The following SYT1 variants were observed in gnomAD, a reference collection of about 807,000 sequenced individuals.
The protein encoded by SYT1 is synaptotagmin 1, also known as synaptotagmin-1.
A neutral mutation model predicts 44.8 loss-of-function variants in SYT1; 8 were observed. The observed-to-expected ratio is 0.18, with a 90% CI of 0.10 to 0.32. SYT1 has a LOEUF of 0.32. Among genes scored for constraint, SYT1 ranks in the 10% least tolerant of loss-of-function variants. The probability of loss-of-function intolerance (pLI) is 1.00; values close to 1 mark genes in which losing one functional copy is unlikely to be tolerated. For synonymous variants in SYT1, 154 were observed against 188.8 expected (o/e 0.82, Z 1.51); for missense variants, 286 against 509.3 (o/e 0.56, Z 4.22).
chr12:78,883,357 A>AT (rs996122775), intron 1 of SYT1, among the ~76,000 whole-genome samples: 1 of 151,506 alleles, frequency 6.6e-6, no homozygotes, highest in African/African-American at 2.4e-5. Flanking sequence ...ATCCTTCTTG[A>AT]TTTTTTCATT....
intron 4 of SYT1, among the ~76,000 whole-genome samples, chr12:79,237,192 G>A (rs1876239695): frequency 6.6e-6 from 1 of 152,200 alleles, no homozygotes; most frequent in African/African-American, 2.4e-5. Flanking sequence ...GTCTGAAGGT[G>A]TGTAGAAAAG....
chr12:79,250,071 TATC>T (rs1407479205), intron 4 of SYT1, among the ~76,000 whole-genome samples: 10 of 152,186 alleles, frequency 6.6e-5, no homozygotes, highest in African/African-American at 2.4e-4. Flanking sequence ...AGATGAATAT[TATC>T]ATTATTTCCA....
At chr12:79,045,165 G>A (rs937788599) in intron 2 of SYT1, among the ~76,000 whole-genome samples, 8 of 152,152 alleles carry the variant, frequency 5.3e-5, no homozygotes, top group East Asian at 1.9e-4. Flanking sequence ...CGAGCTTCCC[G>A]GCTGCTTTGT....
intron 1 of SYT1, among the ~76,000 whole-genome samples, chr12:78,948,336 A>T (rs1232838720): frequency 6.6e-6 from 1 of 152,060 alleles, no homozygotes; most frequent in Non-Finnish European, 1.5e-5. Flanking sequence ...CTTGTAAGAA[A>T]CATTTAAGTT....
chr12:79,290,280 A>G (rs1036923468), intron 5 of SYT1, among the ~76,000 whole-genome samples: 1 of 152,170 alleles, frequency 6.6e-6, no homozygotes, highest in African/African-American at 2.4e-5. Flanking sequence ...GCTGAGTCTC[A>G]GTTTTTTAGA....
chr12:78,956,253 C>T (rs1464091429), intron 1 of SYT1, among the ~76,000 whole-genome samples: 1 of 151,930 alleles, frequency 6.6e-6, no homozygotes, highest in African/African-American at 2.4e-5. Flanking sequence ...CTGAGAAATA[C>T]CTGGAACATT....
intron 1 of SYT1, among the ~76,000 whole-genome samples, chr12:78,894,541 A>G (rs1875247574): frequency 6.6e-6 from 1 of 151,272 alleles, no homozygotes; most frequent in Non-Finnish European, 1.5e-5. Flanking sequence ...AAATAATAGG[A>G]TTCTCTTCAT....
chr12:79,319,868 T>C (rs1345159245), intron 8 of SYT1, among the ~76,000 whole-genome samples: 1 of 152,228 alleles, frequency 6.6e-6, no homozygotes, highest in Non-Finnish European at 1.5e-5. Context: ...TTTCATCACC[T>C]TCCCTTTTAC....
In SYT1 at chr12:79,451,276, C is replaced by T. The variant is rs138109894; in HGVS notation, c.*2152C>T. On this transcript the variant is annotated 3_prime_UTR_variant, in exon 11 of 11. Coordinates refer to ENST00000261205, the MANE Select transcript of SYT1 (RefSeq NM_005639.3). The stretch of plus-strand genomic sequence containing the variant: ...CCGATGGTCCGTACTTCTTAAAAAA[C>T]ATAGGTAATAGAAAATATACACAAG... 212 of 152,274 alleles carry T rather than the reference C, an allele frequency of 1.4e-3. No homozygotes were observed. Among genetic ancestry groups the T allele is most frequent in the African/African-American group, 5.0e-3 (207 of 41,556 alleles). 9.4% of individuals were successfully genotyped at this position (152,274 alleles called of 1,614,324 possible). A position where few individuals can be genotyped will look rare whatever the true frequency, so the allele number is the denominator to read the frequency against.
chr12:79,095,432 C>T (rs532731500), intron 3 of SYT1, among the ~76,000 whole-genome samples: 2 of 151,882 alleles, frequency 1.3e-5, no homozygotes, highest in African/African-American at 4.8e-5. Flanking sequence ...GTTATATTTA[C>T]GTGTGTCTCT....
At chr12:79,370,938 A>G (rs1413404688) in intron 9 of SYT1, among the ~76,000 whole-genome samples, 2 of 152,272 alleles carry the variant, frequency 1.3e-5, no homozygotes, top group Admixed American at 6.5e-5. Flanking sequence ...ACATCAGCCC[A>G]TGGAAGAGCA....
intron 3 of SYT1, among the ~76,000 whole-genome samples, chr12:79,104,378 C>T (rs913078030): frequency 2.0e-5 from 3 of 151,886 alleles, no homozygotes; most frequent in African/African-American, 7.3e-5. Context: ...AAACACAGTA[C>T]ATGATATATA....
intron 3 of SYT1, among the ~76,000 whole-genome samples, chr12:79,099,908 C>G (rs992098913): frequency 2.0e-5 from 3 of 152,042 alleles, no homozygotes; most frequent in African/African-American, 7.2e-5. Context: ...CATTTCCATT[C>G]AACATTCCAG....
chr12:78,953,331 T>C (rs554459285), intron 1 of SYT1, among the ~76,000 whole-genome samples: 9 of 152,262 alleles, frequency 5.9e-5, no homozygotes, highest in Admixed American at 2.0e-4. Context: ...AGAGCACCCA[T>C]GCATTGCTCA....
chr12:79,079,225 A>C (rs544616165), intron 3 of SYT1, among the ~76,000 whole-genome samples: 1 of 152,070 alleles, frequency 6.6e-6, no homozygotes, highest in Non-Finnish European at 1.5e-5. Context: ...AACGATTTCA[A>C]CTGACTTTCA....
At chr12:79,021,716 T>C (rs906093711) in intron 2 of SYT1, among the ~76,000 whole-genome samples, 1 of 151,826 alleles carries the variant, frequency 6.6e-6, no homozygotes, top group African/African-American at 2.4e-5. Context: ...CTAGCTAGTA[T>C]TGGAAGAATA....
At chr12:79,266,478 T>C (rs991290724) in intron 4 of SYT1, among the ~76,000 whole-genome samples, 1 of 152,160 alleles carries the variant, frequency 6.6e-6, no homozygotes, top group South Asian at 2.1e-4. Flanking sequence ...GCAAGAGTCA[T>C]GCAGGGCCTT....
At chr12:79,019,593 C>T (rs1314297550) in intron 2 of SYT1, among the ~76,000 whole-genome samples, 1 of 151,876 alleles carries the variant, frequency 6.6e-6, no homozygotes, top group African/African-American at 2.4e-5. Context: ...ATTTATGATT[C>T]ATCTGCCTGG....
intron 1 of SYT1, among the ~76,000 whole-genome samples, chr12:78,876,901 A>AT: frequency 9.2e-6 from 1 of 108,722 alleles, no homozygotes; most frequent in African/African-American, 3.6e-5. Context: ...TATATATTAT[A>AT]TATTATATGT....
Sources: gnomAD v4.1 joint callset for allele counts (sites outside exome capture counted in the v4.1 genomes callset) on GRCh38, gnomAD v4.1.1 for gene constraint, MANE v1.5 for transcripts, NCBI Gene and HGNC (gene_info 2026-07-23, HGNC 2026-07-21) for gene names.